FGF12: variants seen among roughly 807,000 people sequenced by gnomAD.
FGF12 encodes fibroblast growth factor 12B.
Under a neutral mutation model 23.6 loss-of-function variants are expected in FGF12, and 14 were observed. That is an observed-to-expected ratio of 0.59 (90% CI 0.39 to 0.93). The LOEUF (loss-of-function observed/expected upper bound fraction) is 0.93. Ranked by LOEUF, FGF12 falls within the 40% of genes least tolerant of loss-of-function variation. FGF12 has a pLI of 0.00. For synonymous variants in FGF12, 62 were observed against 77.3 expected (o/e 0.80, Z 1.04); for missense variants, 175 against 217.8 (o/e 0.80, Z 1.24).
intron 4 of FGF12, among the ~76,000 whole-genome samples, chr3:192,229,777 T>A (rs1718925797): frequency 6.6e-6 from 1 of 152,092 alleles, no homozygotes; most frequent in Non-Finnish European, 1.5e-5. Flanking sequence ...GAACATTATG[T>A]AAATGAAAGC....
At chr3:192,456,676 T>C (rs1451291879) in intron 2 of FGF12, among the ~76,000 whole-genome samples, 4 of 152,210 alleles carry the variant, frequency 2.6e-5, no homozygotes, top group Admixed American at 6.5e-5. Context: ...TAGAACATTT[T>C]ATGTATGAAC....
At chr3:192,567,799 TTCTC>T (rs1450775079) in intron 2 of FGF12, among the ~76,000 whole-genome samples, 1 of 128,532 alleles carries the variant, frequency 7.8e-6, no homozygotes, top group Admixed American at 8.0e-5. Context: ...CTTTCTTTCT[TTCTC>T]TTTCTTTCTT....
chr3:192,163,849 G>GTGTT (rs1382702624), intron 5 of FGF12, among the ~76,000 whole-genome samples: 1 of 152,014 alleles, frequency 6.6e-6, no homozygotes, highest in African/African-American at 2.4e-5. Flanking sequence ...GTGTGTGTGT[G>GTGTT]TGTGTTAGTA....
intron 2 of FGF12, among the ~76,000 whole-genome samples, chr3:192,607,792 C>A (rs75248996): frequency 0.016 from 2,429 of 148,738 alleles, 39 homozygotes; most frequent in Middle Eastern, 0.093. Context: ...CAGCTCTCTT[C>A]GTTTCACCAT....
At chr3:192,482,494 C>T (rs1209280350) in intron 2 of FGF12, among the ~76,000 whole-genome samples, 1 of 151,936 alleles carries the variant, frequency 6.6e-6, no homozygotes, top group African/African-American at 2.4e-5. Context: ...ATTAGCTGGA[C>T]GTGGTGGTAC....
intron 4 of FGF12, among the ~76,000 whole-genome samples, chr3:192,205,373 A>G (rs913945712): frequency 1.3e-5 from 2 of 152,284 alleles, no homozygotes; most frequent in African/African-American, 4.8e-5. Flanking sequence ...TTAATATAAG[A>G]AAAGGATGAG....
intron 2 of FGF12, among the ~76,000 whole-genome samples, chr3:192,599,452 C>T (rs1430231971): frequency 1.3e-5 from 2 of 151,840 alleles, no homozygotes; most frequent in African/African-American, 2.4e-5. Flanking sequence ...TGTTACCTAC[C>T]TCAGAAGGTA....
intron 4 of FGF12, among the ~76,000 whole-genome samples, chr3:192,323,032 C>T (rs573461638): frequency 6.6e-6 from 1 of 152,254 alleles, no homozygotes; most frequent in African/African-American, 2.4e-5. Flanking sequence ...TATCATGTCA[C>T]TCTAGTTAAA....
At chr3:192,510,036 TACTC>T in intron 2 of FGF12, among the ~76,000 whole-genome samples, 1 of 152,328 alleles carries the variant, frequency 6.6e-6, no homozygotes, top group East Asian at 1.9e-4. Flanking sequence ...TCATCACAGA[TACTC>T]AGGTACACAG....
intron 2 of FGF12, among the ~76,000 whole-genome samples, chr3:192,474,052 A>G (rs1723246866): frequency 6.6e-6 from 1 of 152,238 alleles, no homozygotes; most frequent in East Asian, 1.9e-4. Flanking sequence ...CACAGAACAC[A>G]GAAGAAAACC....
intron 2 of FGF12, among the ~76,000 whole-genome samples, chr3:192,569,145 T>C (rs1712476981): frequency 6.6e-6 from 1 of 152,168 alleles, no homozygotes; most frequent in Admixed American, 6.5e-5. Flanking sequence ...GCAAAGATAA[T>C]CTTATGTGAA....
chr3:192,283,430 A>G (rs1714269053), intron 4 of FGF12, among the ~76,000 whole-genome samples: 1 of 152,146 alleles, frequency 6.6e-6, no homozygotes, highest in East Asian at 1.9e-4. Flanking sequence ...GGTTGAGCAC[A>G]GGCATTTATT....
chr3:192,388,052 A>G (rs926228641), intron 2 of FGF12, among the ~76,000 whole-genome samples: 2 of 152,166 alleles, frequency 1.3e-5, no homozygotes, highest in East Asian at 3.8e-4. Context: ...AGAGACCAAG[A>G]GTTCAAGACC....
At chr3:192,582,690 GAA>G (rs11329506) in intron 2 of FGF12, among the ~76,000 whole-genome samples, 72 of 147,830 alleles carry the variant, frequency 4.9e-4, no homozygotes, top group Middle Eastern at 3.4e-3. Flanking sequence ...GTAAAAAAAA[GAA>G]AAAAAAAAAT....
intron 2 of FGF12, among the ~76,000 whole-genome samples, chr3:192,689,934 G>A (rs13089039): frequency 0.026 from 4,007 of 152,040 alleles, 73 homozygotes; most frequent in Middle Eastern, 0.082. Flanking sequence ...ACATACAAGT[G>A]AATACCAATA....
At chr3:192,151,317 C>G (rs1360327159) in intron 5 of FGF12, among the ~76,000 whole-genome samples, 3 of 140,104 alleles carry the variant, frequency 2.1e-5, no homozygotes, top group Non-Finnish European at 4.7e-5. Flanking sequence ...TTTCCTTCCC[C>G]TGCCTAATTG....
chr3:192,181,837 C>A (rs934323274), intron 4 of FGF12, among the ~76,000 whole-genome samples: 6 of 151,496 alleles, frequency 4.0e-5, no homozygotes, highest in Non-Finnish European at 7.4e-5. Context: ...TGCTGTGTTC[C>A]CCAGGCTGGT....
At chr3:192,708,015 T>A (rs552009094) in intron 2 of FGF12, among the ~76,000 whole-genome samples, 170 of 152,202 alleles carry the variant, frequency 1.1e-3, no homozygotes, top group Middle Eastern at 3.4e-3. Context: ...GCTGGAGTGC[T>A]GTGGCGCGAT....
chr3:192,631,439 C>T (rs1167564418), intron 2 of FGF12, among the ~76,000 whole-genome samples: 1 of 152,210 alleles, frequency 6.6e-6, no homozygotes, highest in Non-Finnish European at 1.5e-5. Flanking sequence ...GAAAATCTTG[C>T]TAACATCATT....
Sources: allele counts gnomAD v4.1 joint callset (sites outside exome capture counted in the v4.1 genomes callset), GRCh38; gene constraint gnomAD v4.1.1; transcripts MANE v1.5; gene names NCBI Gene and HGNC (gene_info 2026-07-23, HGNC 2026-07-21).